Variants in HEATR5B observed in about 807,000 individuals in gnomAD.
HEATR5B encodes HEAT repeat-containing protein 5B.
In HEATR5B, 156 loss-of-function variants were observed where a neutral mutation model predicts 224.1. That is an observed-to-expected ratio of 0.70 (90% confidence interval 0.61 to 0.80). The LOEUF (loss-of-function observed/expected upper bound fraction) is 0.80. Among genes scored for constraint, HEATR5B ranks in the 30% least tolerant of loss-of-function variants. HEATR5B has a pLI of 0.00. For synonymous variants in HEATR5B, 1,027 were observed against 893.0 expected (o/e 1.15, Z -2.68); for missense variants, 2,323 against 2,535.5 (o/e 0.92, Z 1.80).
At chr2:37,019,135 G>C (rs546849078) in intron 26 of HEATR5B, among the ~76,000 whole-genome samples, 11 of 152,130 alleles carry the variant, frequency 7.2e-5, no homozygotes, top group Non-Finnish European at 1.6e-4. Context: ...GCTCCAGCCT[G>C]GGTGACAGAG....
chr2:36,984,648 T>C (rs1665827240), intron 35 of HEATR5B, among the ~76,000 whole-genome samples: 1 of 151,972 alleles, frequency 6.6e-6, no homozygotes, highest in South Asian at 2.1e-4. Flanking sequence ...ATGTAAGCGA[T>C]TAAAAGGAGC....
In HEATR5B at chr2:37,065,010, A is replaced by T. The variant is rs1485996630; in HGVS notation, c.1334-20T>A. Reference sequence around the variant, plus strand: ...AAAGCCCTAAACAAGAAATACTCAAAATATTACTCTTTAATGAAGTCAAAT... The same window carrying T: ...AAAGCCCTAAACAAGAAATACTCAATATATTACTCTTTAATGAAGTCAAAT... On this transcript the variant is annotated intron_variant, in intron 9 of 35. Coordinates refer to ENST00000233099, the MANE Select transcript of HEATR5B (RefSeq NM_019024.3). The T allele has an allele frequency of 6.2e-7, 1 of 1,608,946 alleles. No individual in the cohort carries two copies. The highest frequency in any genetic ancestry group is 1.7e-5 in the Admixed American group (1 of 59,894).
chr2:37,010,146 GC>G (rs1461851668), intron 27 of HEATR5B, among the ~76,000 whole-genome samples: 1 of 151,786 alleles, frequency 6.6e-6, no homozygotes, highest in Non-Finnish European at 1.5e-5. Context: ...TTAGGCTTTG[GC>G]TACTGGCACA....
intron 26 of HEATR5B, among the ~76,000 whole-genome samples, chr2:37,015,629 T>C (rs1317909951): frequency 3.3e-5 from 5 of 152,202 alleles, no homozygotes; most frequent in African/African-American, 1.2e-4. Flanking sequence ...GTGATACTAC[T>C]GCTTTACGGG....
At chr2:37,033,132 G>C (rs1233574006) in intron 21 of HEATR5B, among the ~76,000 whole-genome samples, 1 of 152,000 alleles carries the variant, frequency 6.6e-6, no homozygotes, top group Non-Finnish European at 1.5e-5. Context: ...GCCCACCTCA[G>C]CCTCCCAAAG....
At chr2:37,065,953 T>G in intron 8 of HEATR5B, 43 bp from the exon 9 acceptor site, 1 of 1,559,670 alleles carries the variant, frequency 6.4e-7, no homozygotes, top group South Asian at 1.2e-5. Flanking sequence ...AGAAATGAAT[T>G]GTGGTATGAT....
chr2:37,084,020 C>G (rs1232408263), intron 1 of HEATR5B, among the ~76,000 whole-genome samples: 3 of 152,236 alleles, frequency 2.0e-5, no homozygotes, highest in Admixed American at 1.3e-4. Context: ...CTCGCGCGCT[C>G]GGGGTCTGGC....
intron 17 of HEATR5B, 149 bp from the exon 18 acceptor site, chr2:37,049,992 G>C (rs755107254): frequency 1.4e-6 from 1 of 718,018 alleles, no homozygotes; most frequent in Non-Finnish European, 2.1e-6. Flanking sequence ...CTGAGCTCAA[G>C]CAATCCTCCC....
chr2:37,040,826 TA>T (rs1245186893), intron 19 of HEATR5B, among the ~76,000 whole-genome samples: 4 of 147,052 alleles, frequency 2.7e-5, no homozygotes, highest in Admixed American at 6.8e-5. Context: ...GATGGTTATT[TA>T]AAAAAAAAAC....
chr2:37,037,317 G>C (rs1434545307), intron 21 of HEATR5B, among the ~76,000 whole-genome samples: 5 of 151,198 alleles, frequency 3.3e-5, no homozygotes, highest in Non-Finnish European at 5.9e-5. Flanking sequence ...GGCTAATTTT[G>C]TATTTTTAGT....
intron 35 of HEATR5B, among the ~76,000 whole-genome samples, chr2:36,986,315 T>G (rs868124709): frequency 6.6e-6 from 1 of 152,346 alleles, no homozygotes; most frequent in East Asian, 1.9e-4. Flanking sequence ...CTTTCCCAAT[T>G]TTGATGTTGT....
At chr2:37,051,646 T>C (rs180824337) in intron 17 of HEATR5B, among the ~76,000 whole-genome samples, 62 of 152,256 alleles carry the variant, frequency 4.1e-4, no homozygotes, top group African/African-American at 1.3e-3. Context: ...CCCACTCCTT[T>C]TCTAAAAAAC....
intron 28 of HEATR5B, chr2:37,008,315 T>C (rs540648334): frequency 9.3e-6 from 4 of 430,440 alleles, no homozygotes; most frequent in Admixed American, 7.5e-5. Context: ...GCAATATACA[T>C]CTATGGTTAT....
intron 26 of HEATR5B, among the ~76,000 whole-genome samples, chr2:37,019,100 G>C (rs916986489): frequency 1.3e-5 from 2 of 151,996 alleles, no homozygotes; most frequent in African/African-American, 4.8e-5. Flanking sequence ...GGAGGTTACA[G>C]TGAGCAGAGA....
intron 22 of HEATR5B, among the ~76,000 whole-genome samples, chr2:37,030,676 CTT>C (rs1669074013): frequency 6.6e-6 from 1 of 152,162 alleles, no homozygotes; most frequent in Non-Finnish European, 1.5e-5. Context: ...TATTTTTAAT[CTT>C]GATCACTTTT....
At chr2:37,020,622 A>AT in intron 25 of HEATR5B, 33 bp downstream of exon 25, 1 of 1,467,376 alleles carries the variant, frequency 6.8e-7, no homozygotes, top group Non-Finnish European at 9.1e-7. Flanking sequence ...CAAAAGATCA[A>AT]TTTTAAGTTC....
chr2:37,063,835 G>A (rs190078879), intron 10 of HEATR5B, among the ~76,000 whole-genome samples: 44 of 152,096 alleles, frequency 2.9e-4, no homozygotes, highest in African/African-American at 9.6e-4. Flanking sequence ...TTTTTGAGAC[G>A]GAGTCTTTCT....
intron 17 of HEATR5B, among the ~76,000 whole-genome samples, chr2:37,050,804 C>G (rs1208324418): frequency 2.0e-5 from 3 of 152,132 alleles, no homozygotes; most frequent in African/African-American, 7.2e-5. Flanking sequence ...CTTTGGGAGG[C>G]CAAGGCGGGG....
chr2:36,994,375 T>C (rs1416243689), intron 33 of HEATR5B, among the ~76,000 whole-genome samples: 1 of 152,252 alleles, frequency 6.6e-6, no homozygotes, highest in African/African-American at 2.4e-5. Context: ...TGTACGTTTG[T>C]ACATGTTCAC....
Sources: gnomAD v4.1 joint callset for allele counts (sites outside exome capture counted in the v4.1 genomes callset) on GRCh38, gnomAD v4.1.1 for gene constraint, MANE v1.5 for transcripts, NCBI Gene and HGNC (gene_info 2026-07-23, HGNC 2026-07-21) for gene names.